The following CTCF variants were observed in gnomAD, a reference collection of about 807,000 sequenced individuals.
CTCF encodes the protein transcriptional repressor CTCF.
In CTCF, 7 loss-of-function variants were observed where a neutral mutation model predicts 72.3. That is an observed-to-expected ratio of 0.10 (90% CI 0.06 to 0.18). CTCF has a LOEUF of 0.18. Among genes scored for constraint, CTCF ranks in the 10% least tolerant of loss-of-function variants. The pLI is 1.00. For synonymous variants in CTCF, 374 were observed against 315.8 expected (o/e 1.18, Z -1.95); for missense variants, 516 against 949.1 (o/e 0.54, Z 6.00).
chr16:67,637,589 C>T (rs1259456201), intron 11 of CTCF, 99 bp from the exon 12 acceptor site: 4 of 937,068 alleles, frequency 4.3e-6, no homozygotes, highest in Non-Finnish European at 6.6e-6. Context: ...TAAGGCTGTC[C>T]TGCATTGCTG....
chr16:67,567,126 C>T (rs567760081), intron 1 of CTCF, among the ~76,000 whole-genome samples: 28 of 152,234 alleles, frequency 1.8e-4, no homozygotes, highest in Admixed American at 3.9e-4. Context: ...AGGTGTGAGC[C>T]ACCGTGTCCA....
chr16:67,575,683 TC>T (rs886813198), intron 2 of CTCF, among the ~76,000 whole-genome samples: 1 of 151,826 alleles, frequency 6.6e-6, no homozygotes, highest in Non-Finnish European at 1.5e-5. Context: ...CCTCAGGTGA[TC>T]CGCCCACCTT....
Position 67,638,223 on chromosome 16 carries a change from G to A in CTCF, c.*351G>A, listed in dbSNP as rs1353971206. 3.7e-6 allele frequency: 1 copy of A among 273,644 alleles called. No homozygotes were observed. Among genetic ancestry groups the A allele is most frequent in the African/African-American group, 2.1e-5 (1 of 46,548 alleles). The allele number at this position is 273,644 out of a possible 1,614,324, so 17.0% of individuals were successfully genotyped here. On this transcript the variant is annotated 3_prime_UTR_variant, in exon 12 of 12. Transcript: ENST00000264010. ...GCCACCAGGCTTCCCAGAGTTCTAT[G>A]GTCTTCTTCCCAAGAGAGTTTTTAA...
intron 10 of CTCF, 65 bp downstream of exon 10, chr16:67,629,598 T>C: frequency 6.5e-7 from 1 of 1,541,154 alleles, no homozygotes; most frequent in Non-Finnish European, 8.9e-7. Context: ...CCAGTGTGTT[T>C]ATGTATGGAT....
chr16:67,588,893 G>C (rs2051702469), intron 2 of CTCF, among the ~76,000 whole-genome samples: 1 of 152,020 alleles, frequency 6.6e-6, no homozygotes. Context: ...GTTTCGCTAT[G>C]TTGGCCAGGC....
At chr16:67,631,135 CT>C (rs1322440675) in intron 10 of CTCF, among the ~76,000 whole-genome samples, 2 of 134,514 alleles carry the variant, frequency 1.5e-5, no homozygotes, top group Non-Finnish European at 3.2e-5. Flanking sequence ...CTTTATTGGG[CT>C]TTTTTTGTTC....
intron 2 of CTCF, among the ~76,000 whole-genome samples, chr16:67,582,641 C>T (rs1375468720): frequency 2.0e-5 from 3 of 151,836 alleles, no homozygotes; most frequent in East Asian, 1.9e-4. Flanking sequence ...TGCAGTGAGC[C>T]GAGATCGCGC....
chr16:67,615,318 T>A (rs2142836513), intron 4 of CTCF: 1 of 152,340 alleles, frequency 6.6e-6, no homozygotes, highest in South Asian at 2.1e-4. Context: ...TTTAGCTTAC[T>A]TTGTTCTAAA....
chr16:67,573,748 C>T (rs866359164), intron 2 of CTCF, among the ~76,000 whole-genome samples: 12 of 152,014 alleles, frequency 7.9e-5, no homozygotes, highest in African/African-American at 2.7e-4. Context: ...AGAAGACTTA[C>T]GTGGCTGGGC....
At chr16:67,624,775 G>T (rs1286504871) in intron 7 of CTCF, among the ~76,000 whole-genome samples, 4 of 151,236 alleles carry the variant, frequency 2.6e-5, no homozygotes, top group Non-Finnish European at 5.9e-5. Context: ...TTAGCTTTTG[G>T]TAGAGACAGG....
chr16:67,621,094 A>G, intron 6 of CTCF: 2 of 365,758 alleles, frequency 5.5e-6, no homozygotes, highest in Non-Finnish European at 9.8e-6. Context: ...TTTAATTTTA[A>G]AAGTCTGGGT....
intron 7 of CTCF, among the ~76,000 whole-genome samples, chr16:67,624,441 C>G (rs1037696348): frequency 6.6e-6 from 1 of 152,070 alleles, no homozygotes; most frequent in African/African-American, 2.4e-5. Context: ...TGTTCTTCAT[C>G]GTTGACAGTA....
intron 1 of CTCF, 129 bp downstream of exon 1, chr16:67,562,853 G>A (rs2051293383): frequency 6.7e-6 from 1 of 149,496 alleles, no homozygotes; most frequent in Admixed American, 6.7e-5. Flanking sequence ...TCCCTCTACC[G>A]TCCCTGCTGC....
chr16:67,576,333 A>T (rs1035141350), intron 2 of CTCF, among the ~76,000 whole-genome samples: 1 of 152,058 alleles, frequency 6.6e-6, no homozygotes, highest in Admixed American at 6.6e-5. Flanking sequence ...GGGAAAAAAG[A>T]CTAAACAGAC....
intron 2 of CTCF, among the ~76,000 whole-genome samples, chr16:67,607,379 C>T (rs189662727): frequency 2.6e-5 from 4 of 152,144 alleles, no homozygotes; most frequent in African/African-American, 7.2e-5. Flanking sequence ...TTTCTCAGCT[C>T]GCTGCAACCT....
chr16:67,582,983 C>CTT (rs550423023), intron 2 of CTCF, among the ~76,000 whole-genome samples: 43 of 136,010 alleles, frequency 3.2e-4, no homozygotes, highest in African/African-American at 4.6e-4. Context: ...TCTTATTTTT[C>CTT]TTTTTTTTTT....
At chr16:67,582,520 C>T (rs1420355237) in intron 2 of CTCF, among the ~76,000 whole-genome samples, 4 of 151,924 alleles carry the variant, frequency 2.6e-5, no homozygotes, top group Admixed American at 2.0e-4. Context: ...TGATGAAACT[C>T]GGTCTCTACT....
Position 67,626,595 on chromosome 16 carries a change from C to T in CTCF, c.1398C>T (p.Gly466=), listed in dbSNP as rs2052290543. 6.4e-7 allele frequency: 1 copy of T among 1,560,316 alleles called. No individual in the cohort carries two copies. The highest frequency in any genetic ancestry group is 8.7e-7 in the Non-Finnish European group (1 of 1,151,472). Residue 466 remains glycine (G), a synonymous_variant, in exon 8 of 12, where the codon GGC becomes GGT. Coordinates refer to ENST00000264010, the MANE Select transcript of CTCF (RefSeq NM_006565.4). ...AGCAGCATTCCTATATTGAGCAAGGCAAGAAATGCCGTTACTGTGATGCTG... is the reference window on the plus strand; with the variant it reads ...AGCAGCATTCCTATATTGAGCAAGGTAAGAAATGCCGTTACTGTGATGCTG... ...LRKQHSYIEQ[G]KKCRYCDAVF...
rs2142825583 is a variant in CTCF, at chr16:67,611,297, C to T, written c.465C>T (p.Cys155=). 1 of 1,614,004 alleles carries T rather than the reference C, an allele frequency of 6.2e-7. No individual in the cohort carries two copies. Among genetic ancestry groups the T allele is most frequent in the Non-Finnish European group, 8.5e-7 (1 of 1,179,998 alleles). ...TTGCGGAAAGTGAACCCATGATATG[C>T]CACACCCTACCTTTGCCTGAAGGGT... is the stretch of plus-strand genomic sequence containing the variant. The part of the protein sequence containing the change: ...EGLAESEPMI[C]HTLPLPEGFQ... The change falls in exon 3 of 12, where the codon TGC becomes TGT. Residue 155 remains cysteine, a synonymous_variant. Coordinates refer to ENST00000264010, the MANE Select transcript of CTCF (RefSeq NM_006565.4).
Sources: allele counts gnomAD v4.1 joint callset (sites outside exome capture counted in the v4.1 genomes callset), GRCh38; gene constraint gnomAD v4.1.1; transcripts MANE v1.5; gene names NCBI Gene and HGNC (gene_info 2026-07-23, HGNC 2026-07-21).